Variants in LUC7L3 observed in about 807,000 individuals in gnomAD.
The protein encoded by LUC7L3 is LUC7 like 3 pre-mRNA splicing factor, also known as luc7-like protein 3.
In LUC7L3, 6 loss-of-function variants were observed where a neutral mutation model predicts 66.8. The ratio of observed to expected loss-of-function variants is 0.09; its 90% CI spans 0.05 to 0.18. The LOEUF (loss-of-function observed/expected upper bound fraction) is 0.18, where lower values mean the gene tolerates loss of function less well. Ranked by LOEUF, LUC7L3 falls within the 10% of genes least tolerant of loss-of-function variation. The pLI, the probability that LUC7L3 is intolerant of heterozygous loss-of-function variation, is 1.00. For missense variants in LUC7L3, 341 were observed against 531.1 expected, an observed-to-expected ratio of 0.64 and a Z score of 3.52; for synonymous variants, 160 against 174.7, an observed-to-expected ratio of 0.92 and a Z score of 0.66.
intron 5 of LUC7L3, among the ~76,000 whole-genome samples, chr17:50,743,312 C>T (rs1484322225): frequency 6.6e-6 from 1 of 152,138 alleles, no homozygotes; most frequent in African/African-American, 2.4e-5. Flanking sequence ...AATTCTTCTG[C>T]CTCAGTCTCC....
At chr17:50,749,207 A>G (rs1455209831) in intron 9 of LUC7L3, 5 of 1,288,778 alleles carry the variant, frequency 3.9e-6, no homozygotes, top group South Asian at 1.2e-5. Context: ...AAGATCTACC[A>G]TATTTACATA....
At chr17:50,736,098 GC>G (rs1393435068) in intron 1 of LUC7L3, among the ~76,000 whole-genome samples, 4 of 152,170 alleles carry the variant, frequency 2.6e-5, no homozygotes, top group Non-Finnish European at 5.9e-5. Context: ...GTGCCACTGT[GC>G]TCTAGCCTGG....
chr17:50,724,747 A>G (rs1969052834), intron 1 of LUC7L3, among the ~76,000 whole-genome samples: 1 of 139,380 alleles, frequency 7.2e-6, no homozygotes, highest in African/African-American at 2.7e-5. Context: ...GTTTTATGAA[A>G]TATTTTCTCT....
intron 9 of LUC7L3, 48 bp downstream of exon 9, chr17:50,746,750 A>G (rs1970692431): frequency 6.5e-7 from 1 of 1,537,002 alleles, no homozygotes. Context: ...TTCACACCCT[A>G]ATCGCCCCAC....
At chr17:50,745,222 C>G (rs1230773753) in intron 7 of LUC7L3, among the ~76,000 whole-genome samples, 1 of 151,932 alleles carries the variant, frequency 6.6e-6, no homozygotes, top group African/African-American at 2.4e-5. Flanking sequence ...TGAACTCCTG[C>G]CTCAGGTGAT....
intron 1 of LUC7L3, among the ~76,000 whole-genome samples, chr17:50,726,266 G>C (rs953532066): frequency 6.6e-6 from 1 of 152,176 alleles, no homozygotes; most frequent in Admixed American, 6.5e-5. Context: ...CTGCTTCCCA[G>C]GTTCAAGCAG....
chr17:50,746,442 G>T, intron 8 of LUC7L3, 100 bp from the exon 9 acceptor site: 1 of 999,494 alleles, frequency 1.0e-6, no homozygotes, highest in Non-Finnish European at 1.5e-6. Context: ...TGTTTTAGAG[G>T]GTAAGTTTTG....
In LUC7L3 at chr17:50,752,849, G is replaced by A. The variant is rs1285352033; in HGVS notation, c.*2188G>A. On this transcript the variant is annotated 3_prime_UTR_variant, in exon 10 of 10. Transcript: ENST00000505658. ...AATAATGGTGCTTCAATTTTAGGTG[G>A]TTATGAATAAATTTGAATTTTGCTT... is the stretch of plus-strand genomic sequence containing the variant. 4 of 152,134 alleles carry A rather than the reference G, an allele frequency of 2.6e-5. No homozygotes were observed. Among genetic ancestry groups the A allele is most frequent in the African/African-American group, 9.7e-5 (4 of 41,422 alleles). The allele number at this position is 152,134 out of a possible 1,614,324, so 9.4% of individuals were successfully genotyped here.
chr17:50,743,562 C>T (rs891368892), intron 5 of LUC7L3, 144 bp from the exon 6 acceptor site: 2 of 591,614 alleles, frequency 3.4e-6, no homozygotes, highest in Non-Finnish European at 6.0e-6. Context: ...AAAAAAAATC[C>T]AGGATAAATT....
Position 50,719,651 on chromosome 17 carries a change from C to T in LUC7L3, c.-82C>T. 4 of 1,193,946 alleles carry T rather than the reference C, an allele frequency of 3.4e-6. No individual in the cohort carries two copies. The highest frequency in any genetic ancestry group is 3.6e-6 in the Non-Finnish European group (3 of 822,724). 74.0% of individuals were successfully genotyped at this position (1,193,946 alleles called of 1,614,324 possible). On this transcript the variant is annotated 5_prime_UTR_variant, in exon 1 of 10. Coordinates refer to ENST00000505658, the MANE Select transcript of LUC7L3 (RefSeq NM_016424.5). ...GAGGGATTTCGGCCTGAGAGCGGGC[C>T]GAGGAGATTGGCGACGGTGTCGCCC...
Position 50,719,608 on chromosome 17 carries a change from G to A in LUC7L3, c.-125G>A, listed in dbSNP as rs1212620764. The A allele has an allele frequency of 8.3e-6, 6 of 725,628 alleles. No individual in the cohort carries two copies. Among genetic ancestry groups the A allele is most frequent in the South Asian group, 1.9e-5 (1 of 52,668 alleles). 44.9% of individuals were successfully genotyped at this position (725,628 alleles called of 1,614,324 possible). A position where few individuals can be genotyped will look rare whatever the true frequency, so the allele number is the denominator to read the frequency against. On this transcript the variant is annotated 5_prime_UTR_variant, in exon 1 of 10. Transcript: ENST00000505658. ...GTCCGCGCGGCGGCCATTTTGTCTTGTCGGCTCCTGTGTGTAGGAGGGATT... is the reference window on the plus strand; with the variant it reads ...GTCCGCGCGGCGGCCATTTTGTCTTATCGGCTCCTGTGTGTAGGAGGGATT...
At chr17:50,724,610 ATT>A (rs1969032810) in intron 1 of LUC7L3, among the ~76,000 whole-genome samples, 2 of 51,288 alleles carry the variant, frequency 3.9e-5, no homozygotes, top group African/African-American at 1.7e-4. Context: ...CTTTAGGAAA[ATT>A]GTGTGTGTGT....
intron 1 of LUC7L3, among the ~76,000 whole-genome samples, chr17:50,735,659 G>A (rs543267346): frequency 1.3e-5 from 2 of 152,022 alleles, no homozygotes; most frequent in African/African-American, 4.8e-5. Flanking sequence ...CACCATGCCT[G>A]GCTACTTTCT....
At chr17:50,726,409 T>C (rs1189246034) in intron 1 of LUC7L3, among the ~76,000 whole-genome samples, 4 of 152,196 alleles carry the variant, frequency 2.6e-5, no homozygotes, top group African/African-American at 9.7e-5. Context: ...TGGCCTTAAG[T>C]GATCCGCCCA....
chr17:50,737,949 A>G (rs1471015756), intron 2 of LUC7L3, among the ~76,000 whole-genome samples: 1 of 152,234 alleles, frequency 6.6e-6, no homozygotes, highest in Non-Finnish European at 1.5e-5. Flanking sequence ...ATTATGTACA[A>G]TCTTTGCCTT....
chr17:50,744,185 T>A (rs1970522700), intron 6 of LUC7L3, among the ~76,000 whole-genome samples: 1 of 152,244 alleles, frequency 6.6e-6, no homozygotes, highest in Non-Finnish European at 1.5e-5. Flanking sequence ...ATCTAATTCT[T>A]TTAATTGGAG....
At chr17:50,745,234 C>T (rs1350339489) in intron 7 of LUC7L3, among the ~76,000 whole-genome samples, 1 of 152,030 alleles carries the variant, frequency 6.6e-6, no homozygotes, top group African/African-American at 2.4e-5. Flanking sequence ...TCAGGTGATC[C>T]GTCCTCCTCA....
chr17:50,743,471 G>A (rs1597930716), intron 5 of LUC7L3, among the ~76,000 whole-genome samples: 1 of 152,020 alleles, frequency 6.6e-6, no homozygotes, highest in Non-Finnish European at 1.5e-5. Flanking sequence ...CTCCCAAAGT[G>A]CTTGGATTAC....
Position 50,752,278 on chromosome 17 carries a change from G to T in LUC7L3, c.*1617G>T. On this transcript the variant is annotated 3_prime_UTR_variant, in exon 10 of 10. Coordinates refer to ENST00000505658, the MANE Select transcript of LUC7L3 (RefSeq NM_016424.5). ...TCGACATTTAAAAAATGAGGTGAAAGAAAGCTATAGTGGCATAGAAAAAGT... is the reference window on the plus strand; with the variant it reads ...TCGACATTTAAAAAATGAGGTGAAATAAAGCTATAGTGGCATAGAAAAAGT... The T allele has an allele frequency of 8.3e-7, 1 of 1,200,916 alleles. No homozygotes were observed. The highest frequency in any genetic ancestry group is 1.6e-5 in the African/African-American group (1 of 63,930). 74.4% of individuals were successfully genotyped at this position (1,200,916 alleles called of 1,614,324 possible).
Sources: gnomAD v4.1 joint callset for allele counts (sites outside exome capture counted in the v4.1 genomes callset) on GRCh38, gnomAD v4.1.1 for gene constraint, MANE v1.5 for transcripts, NCBI Gene and HGNC (gene_info 2026-07-23, HGNC 2026-07-21) for gene names.